The following ANK2 variants were observed in gnomAD, a reference collection of about 807,000 sequenced individuals.
ANK2 encodes the protein ankyrin-2.
Under a neutral mutation model 360.5 loss-of-function variants are expected in ANK2, and 83 were observed. That is an observed-to-expected ratio of 0.23 (90% CI 0.19 to 0.28). The LOEUF is 0.28. ANK2 is among the 10% of genes least tolerant of loss of function. ANK2 has a pLI of 1.00. For synonymous variants in ANK2, 1,740 were observed against 1,759.5 expected, an observed-to-expected ratio of 0.99 and a Z score of 0.28; for missense variants, 4,201 against 4,795.7, an observed-to-expected ratio of 0.88 and a Z score of 3.66.
At chr4:113,072,080 T>C (rs1267757053) in intron 1 of ANK2, 1 of 152,158 alleles carries the variant, frequency 6.6e-6, no homozygotes, top group Non-Finnish European at 1.5e-5. Context: ...ATGGGGATTA[T>C]GGGAACTACA....
intron 1 of ANK2, chr4:113,106,821 C>G: frequency 2.0e-6 from 1 of 510,796 alleles, no homozygotes; most frequent in Non-Finnish European, 4.0e-6. Flanking sequence ...ACTCTGTACT[C>G]TTTTATTTTA....
chr4:113,219,448 A>G (rs362463), intron 4 of ANK2, among the ~76,000 whole-genome samples: 56,520 of 151,664 alleles, frequency 0.37, 11,389 homozygotes, highest in Non-Finnish European at 0.46. Flanking sequence ...AGCAGCACTT[A>G]ATCTAAAATA....
At chr4:113,049,863 A>G (rs757871337) in intron 1 of ANK2, 51 bp downstream of exon 1, 7 of 1,593,572 alleles carry the variant, frequency 4.4e-6, no homozygotes, top group Middle Eastern at 1.7e-4. Context: ...ATGTGTGTGC[A>G]TGTGTGAGTG....
chr4:112,796,886 A>T, the ANK2 span, among the ~76,000 whole-genome samples: 2 of 152,210 alleles, frequency 1.3e-5, no homozygotes, highest in Non-Finnish European at 2.9e-5. Context: ...TAAGTAGAAG[A>T]AGTTAAATTT....
At chr4:112,892,194 G>A (rs1311900353) in intron 1 of ANK2, among the ~76,000 whole-genome samples, 1 of 152,120 alleles carries the variant, frequency 6.6e-6, no homozygotes, top group African/African-American at 2.4e-5. Context: ...GGGGAAGGAA[G>A]GGATGGAAAT....
chr4:113,339,326 T>C lies in ANK2; in HGVS notation c.3893+4T>C. The stretch of plus-strand genomic sequence containing the variant: ...TTACAACAAACGTGTCTGCCAGGTA[T>C]CGTTATATAGCACAGAAAAGCCCAC... On this transcript the variant is annotated splice_donor_region_variant and intron_variant, in intron 32 of 45. Coordinates refer to ENST00000357077, the MANE Select transcript of ANK2 (RefSeq NM_001148.6). 6.2e-7 allele frequency: 1 copy of C among 1,611,670 alleles called. No homozygotes were observed. Among genetic ancestry groups the C allele is most frequent in the African/African-American group, 1.3e-5 (1 of 74,992 alleles).
At chr4:112,785,766 T>C in the ANK2 span, among the ~76,000 whole-genome samples, 2 of 152,022 alleles carry the variant, frequency 1.3e-5, no homozygotes, top group Non-Finnish European at 2.9e-5. Context: ...ACTTCTGAGC[T>C]CCAGCAATCC....
chr4:113,282,413 G>A (rs1382035807), intron 17 of ANK2, among the ~76,000 whole-genome samples: 1 of 152,144 alleles, frequency 6.6e-6, no homozygotes, highest in Non-Finnish European at 1.5e-5. Context: ...CAGGAGAGAA[G>A]CAATATTATA....
intron 2 of ANK2, among the ~76,000 whole-genome samples, chr4:113,186,587 T>TC (rs370477795): frequency 0.061 from 2,844 of 46,792 alleles, 173 homozygotes; most frequent in African/African-American, 0.074. Context: ...TCTCTCTCTC[T>TC]TCTCTCTCTC....
At chr4:113,370,473 C>G (rs2096692890) in intron 43 of ANK2, among the ~76,000 whole-genome samples, 1 of 151,996 alleles carries the variant, frequency 6.6e-6, no homozygotes, top group South Asian at 2.1e-4. Context: ...AAGAAATTAA[C>G]CATTGGCCAG....
At chr4:112,948,556 G>T (rs553745125) in intron 2 of ANK2, among the ~76,000 whole-genome samples, 118 of 152,114 alleles carry the variant, frequency 7.8e-4, no homozygotes, top group African/African-American at 2.7e-3. Context: ...TCAATGAAGG[G>T]GTTGCACACA....
intron 1 of ANK2, among the ~76,000 whole-genome samples, chr4:112,862,505 A>G (rs1195492405): frequency 6.6e-6 from 1 of 152,240 alleles, no homozygotes; most frequent in Non-Finnish European, 1.5e-5. Context: ...GCTGTATACC[A>G]GAGTTCTAGT....
chr4:113,000,286 C>T (rs1333913462), intron 2 of ANK2, among the ~76,000 whole-genome samples: 1 of 152,234 alleles, frequency 6.6e-6, no homozygotes, highest in African/African-American at 2.4e-5. Flanking sequence ...TTGCTCTCCT[C>T]TTCCTGGTAC....
chr4:112,809,509 C>T, the ANK2 span, among the ~76,000 whole-genome samples: 1 of 144,284 alleles, frequency 6.9e-6, no homozygotes, highest in Middle Eastern at 3.5e-3. Flanking sequence ...TGCAGTGAGC[C>T]GAGATCTCGC....
At chr4:112,760,327 CA>C in the ANK2 span, among the ~76,000 whole-genome samples, 1 of 151,964 alleles carries the variant, frequency 6.6e-6, no homozygotes. Flanking sequence ...GCTGGGACTA[CA>C]GGCGCCTGCT....
chr4:112,767,558 C>A, the ANK2 span, among the ~76,000 whole-genome samples: 3 of 121,690 alleles, frequency 2.5e-5, no homozygotes, highest in Non-Finnish European at 5.0e-5. Context: ...CAGAGCGAGA[C>A]CCTGTCTCAA....
the ANK2 span, among the ~76,000 whole-genome samples, chr4:112,769,717 T>A: frequency 6.6e-6 from 1 of 152,196 alleles, no homozygotes; most frequent in Admixed American, 6.5e-5. Context: ...GGCACTTAAA[T>A]TGGTGGATTA....
intron 2 of ANK2, among the ~76,000 whole-genome samples, chr4:112,989,771 C>G (rs1308822006): frequency 6.6e-6 from 1 of 152,074 alleles, no homozygotes; most frequent in African/African-American, 2.4e-5. Context: ...ATATAGTTGG[C>G]TTAGTGTTGT....
chr4:113,287,648 T>A lies in ANK2; in HGVS notation c.2123T>A (p.Val708Glu). ...SLHLAAQEDK[V>E]NVADILTKHG... ...CACCTTGCAGCCCAGGAAGATAAAG[T>A]GAATGTTGCTGATATTCTCACCAAG... is the stretch of plus-strand genomic sequence containing the variant. Residue 708 changes from valine to glutamate, a missense_variant, in exon 19 of 46, where the codon GTG (valine) becomes GAG (glutamate). Coordinates refer to ENST00000357077, the MANE Select transcript of ANK2 (RefSeq NM_001148.6). The A allele has an allele frequency of 6.2e-7, 1 of 1,613,628 alleles. No individual in the cohort carries two copies. Among genetic ancestry groups the A allele is most frequent in the Non-Finnish European group, 8.5e-7 (1 of 1,179,594 alleles).
Sources: allele counts gnomAD v4.1 joint callset (sites outside exome capture counted in the v4.1 genomes callset), GRCh38; gene constraint gnomAD v4.1.1; transcripts MANE v1.5; gene names NCBI Gene and HGNC (gene_info 2026-07-23, HGNC 2026-07-21).